Variants in ARB2A observed in about 807,000 individuals in gnomAD.
ARB2A encodes the protein cotranscriptional regulator ARB2A.
At chr5:94,044,261 T>C in the ARB2A span, among the ~76,000 whole-genome samples, 1 of 152,244 alleles carries the variant, frequency 6.6e-6, no homozygotes, top group Non-Finnish European at 1.5e-5. Flanking sequence ...TTACTTATTT[T>C]GCTTTACTGT....
the ARB2A span, among the ~76,000 whole-genome samples, chr5:94,075,622 A>C: frequency 6.6e-6 from 1 of 152,198 alleles, no homozygotes; most frequent in African/African-American, 2.4e-5. Flanking sequence ...CATTCATGAC[A>C]ATATAACAAG....
At chr5:93,861,172 G>C in the ARB2A span, 2 of 152,052 alleles carry the variant, frequency 1.3e-5, no homozygotes, top group African/African-American at 4.8e-5. Context: ...AAACTTTCTA[G>C]TCAAACCATC....
chr5:93,739,784 C>T, the ARB2A span: 1 of 152,028 alleles, frequency 6.6e-6, no homozygotes, highest in Non-Finnish European at 1.5e-5. Context: ...AAGGGAAATT[C>T]CCAGGGAACC....
chr5:93,921,297 TAAGA>T, the ARB2A span, among the ~76,000 whole-genome samples: 1 of 152,106 alleles, frequency 6.6e-6, no homozygotes. Flanking sequence ...AGGATTGCTA[TAAGA>T]AAGACATACC....
At chr5:93,981,053 A>T in the ARB2A span, among the ~76,000 whole-genome samples, 1 of 143,156 alleles carries the variant, frequency 7.0e-6, no homozygotes, top group Non-Finnish European at 1.5e-5. Flanking sequence ...TACTTTTCTG[A>T]TTACTGTATT....
chr5:94,062,073 T>C, the ARB2A span, among the ~76,000 whole-genome samples: 9 of 152,176 alleles, frequency 5.9e-5, no homozygotes, highest in East Asian at 3.9e-4. Flanking sequence ...GGTAAACACA[T>C]AGATCCAGGA....
the ARB2A span, among the ~76,000 whole-genome samples, chr5:93,778,986 G>A: frequency 5.9e-5 from 9 of 151,972 alleles, no homozygotes; most frequent in African/African-American, 2.2e-4. Flanking sequence ...ATAAAAACTG[G>A]ACAGAAGTTT....
the ARB2A span, among the ~76,000 whole-genome samples, chr5:94,021,361 C>A: frequency 1.3e-5 from 2 of 152,104 alleles, no homozygotes. Context: ...TCTACCAGGC[C>A]CTAGTTGGCA....
At chr5:93,704,890 C>T in the ARB2A span, among the ~76,000 whole-genome samples, 2 of 152,208 alleles carry the variant, frequency 1.3e-5, no homozygotes, top group Non-Finnish European at 2.9e-5. Context: ...CAATTCGACA[C>T]AGAATTTCAA....
the ARB2A span, among the ~76,000 whole-genome samples, chr5:93,646,458 C>T: frequency 6.6e-6 from 1 of 151,928 alleles, no homozygotes; most frequent in Non-Finnish European, 1.5e-5. Flanking sequence ...CAAACACACA[C>T]AATATAAGTG....
the ARB2A span, among the ~76,000 whole-genome samples, chr5:93,887,356 A>C: frequency 6.6e-6 from 1 of 151,754 alleles, no homozygotes; most frequent in Non-Finnish European, 1.5e-5. Flanking sequence ...AAAGAAATAC[A>C]CTGAAATGTG....
At chr5:93,637,602 C>G in the ARB2A span, among the ~76,000 whole-genome samples, 1 of 152,168 alleles carries the variant, frequency 6.6e-6, no homozygotes, top group African/African-American at 2.4e-5. Flanking sequence ...TTCCAGCAAT[C>G]TATGAGCAAT....
chr5:93,928,431 A>C, the ARB2A span, among the ~76,000 whole-genome samples: 1 of 152,190 alleles, frequency 6.6e-6, no homozygotes, highest in Non-Finnish European at 1.5e-5. Flanking sequence ...TGGTAGCCTA[A>C]AAATTTTCCA....
the ARB2A span, among the ~76,000 whole-genome samples, chr5:93,822,635 T>C: frequency 1.3e-5 from 2 of 151,926 alleles, no homozygotes; most frequent in African/African-American, 4.8e-5. Flanking sequence ...TATAGAGATA[T>C]ATATATCTAT....
At chr5:93,623,112 T>G in the ARB2A span, among the ~76,000 whole-genome samples, 1 of 152,194 alleles carries the variant, frequency 6.6e-6, no homozygotes, top group Admixed American at 6.5e-5. Context: ...TCTATAGTGT[T>G]TGCAACCCTA....
chr5:93,981,824 CAT>C, the ARB2A span, among the ~76,000 whole-genome samples: 2 of 151,998 alleles, frequency 1.3e-5, no homozygotes, highest in Non-Finnish European at 2.9e-5. Flanking sequence ...AAAGTTAACT[CAT>C]GTCACAATAA....
At chr5:93,846,064 A>G in the ARB2A span, among the ~76,000 whole-genome samples, 1 of 151,398 alleles carries the variant, frequency 6.6e-6, no homozygotes, top group Non-Finnish European at 1.5e-5. Context: ...GTGCTACTTA[A>G]TTAGCTTTGT....
chr5:93,980,799 C>A, the ARB2A span, among the ~76,000 whole-genome samples: 2 of 152,060 alleles, frequency 1.3e-5, no homozygotes, highest in South Asian at 2.1e-4. Context: ...AAAATCTATT[C>A]TTTTAAAATA....
chr5:93,720,239 A>C, the ARB2A span, among the ~76,000 whole-genome samples: 23 of 152,228 alleles, frequency 1.5e-4, no homozygotes, highest in Non-Finnish European at 2.9e-4. Context: ...ATTCTTGAAA[A>C]GTGGTTATTA....
Sources: gnomAD v4.1 joint callset for allele counts (sites outside exome capture counted in the v4.1 genomes callset) on GRCh38, gnomAD v4.1.1 for gene constraint, MANE v1.5 for transcripts, NCBI Gene and HGNC (gene_info 2026-07-23, HGNC 2026-07-21) for gene names.